The following SNTB2 variants were observed in gnomAD, a reference collection of about 807,000 sequenced individuals.
The protein encoded by SNTB2 is beta-2-syntrophin.
In SNTB2, 34 loss-of-function variants were observed where a neutral mutation model predicts 46.2. That is an observed-to-expected ratio of 0.74 (90% CI 0.56 to 0.98). The LOEUF is 0.98. Among genes scored for constraint, SNTB2 ranks in the 50% least tolerant of loss-of-function variants. The pLI is 0.00. For missense variants in SNTB2, 603 were observed against 731.4 expected (o/e 0.82, Z 2.02); for synonymous variants, 290 against 312.6 (o/e 0.93, Z 0.76).
At chr16:69,222,466 G>C (rs1261633974) in intron 1 of SNTB2, among the ~76,000 whole-genome samples, 1 of 151,876 alleles carries the variant, frequency 6.6e-6, no homozygotes, top group East Asian at 1.9e-4. Context: ...GGTGGTGTGT[G>C]CCTGTAATCC....
At position 69,245,586 on chromosome 16, in the gene SNTB2, A is replaced by AT. The variant is rs764065308; in HGVS notation, c.581-9dup. ...GCAAAATTACTAACCTTCTTCTTTG[A>AT]TTTTTTTGTTCATAGTCAAGTTCAT... On this transcript the variant is annotated splice_polypyrimidine_tract_variant and intron_variant, in intron 1 of 6. Coordinates refer to ENST00000336278, the MANE Select transcript of SNTB2 (RefSeq NM_006750.4). 61 of 1,611,892 alleles carry AT rather than the reference A, an allele frequency of 3.8e-5. No individual in the cohort carries two copies. Among genetic ancestry groups the AT allele is most frequent in the Non-Finnish European group, 4.9e-5 (58 of 1,178,366 alleles).
chr16:69,259,217 G>A (rs1245556131), intron 2 of SNTB2, among the ~76,000 whole-genome samples: 1 of 143,152 alleles, frequency 7.0e-6, no homozygotes, highest in African/African-American at 2.6e-5. Context: ...TCAGTAACTA[G>A]CCCAAGTTGG....
chr16:69,299,939 T>C (rs2143208964), intron 6 of SNTB2, among the ~76,000 whole-genome samples, 165 bp downstream of exon 6: 1 of 152,364 alleles, frequency 6.6e-6, no homozygotes, highest in African/African-American at 2.4e-5. Flanking sequence ...TCACCCAGGC[T>C]GGAGTGTAGT....
intron 4 of SNTB2, among the ~76,000 whole-genome samples, chr16:69,273,554 A>C (rs1164494435): frequency 6.6e-6 from 1 of 152,194 alleles, no homozygotes; most frequent in Non-Finnish European, 1.5e-5. Context: ...AAGGTAGATT[A>C]GTGGTTGCCG....
chr16:69,221,766 ACT>A (rs991104297), intron 1 of SNTB2, among the ~76,000 whole-genome samples: 61 of 152,046 alleles, frequency 4.0e-4, no homozygotes, highest in African/African-American at 1.4e-3. Context: ...ACAGAATAAG[ACT>A]CTCTCTCAAA....
chr16:69,284,459 T>TGAA (rs1567414678), intron 5 of SNTB2, among the ~76,000 whole-genome samples: 5 of 45,908 alleles, frequency 1.1e-4, no homozygotes, highest in African/African-American at 1.7e-4. Flanking sequence ...CCGTCTTTAC[T>TGAA]AAAAAAAAAA....
chr16:69,246,904 G>T (rs1964675209), intron 2 of SNTB2, among the ~76,000 whole-genome samples: 2 of 109,788 alleles, frequency 1.8e-5, no homozygotes, highest in Non-Finnish European at 3.6e-5. Flanking sequence ...GTGGTGGGGT[G>T]GGGGGAGGGG....
At chr16:69,242,922 A>G (rs1964632773) in intron 1 of SNTB2, among the ~76,000 whole-genome samples, 1 of 151,616 alleles carries the variant, frequency 6.6e-6, no homozygotes, top group South Asian at 2.1e-4. Context: ...TGGGGAGGCT[A>G]AGGCAGGAGA....
intron 1 of SNTB2, among the ~76,000 whole-genome samples, chr16:69,223,151 C>T (rs930196266): frequency 5.3e-5 from 8 of 151,592 alleles, no homozygotes; most frequent in Admixed American, 2.0e-4. Context: ...CCAGTTTCCC[C>T]GAATGTTAAC....
intron 1 of SNTB2, among the ~76,000 whole-genome samples, chr16:69,207,508 T>A (rs1403877201): frequency 6.6e-6 from 1 of 152,242 alleles, no homozygotes; most frequent in Non-Finnish European, 1.5e-5. Context: ...ACATTTTATG[T>A]TGACCAATTA....
At chr16:69,200,757 C>G (rs1278163016) in intron 1 of SNTB2, among the ~76,000 whole-genome samples, 1 of 152,168 alleles carries the variant, frequency 6.6e-6, no homozygotes, top group Non-Finnish European at 1.5e-5. Flanking sequence ...TCAAGTCATC[C>G]TCCAGCCTTG....
At chr16:69,226,992 A>G (rs1047115221) in intron 1 of SNTB2, among the ~76,000 whole-genome samples, 2 of 152,224 alleles carry the variant, frequency 1.3e-5, no homozygotes, top group African/African-American at 4.8e-5. Context: ...GATTATACAT[A>G]TAGAGTCTAT....
chr16:69,192,114 G>GAAGCACTGGATGCAGTGC (rs1487038876), intron 1 of SNTB2, among the ~76,000 whole-genome samples: 1 of 152,240 alleles, frequency 6.6e-6, no homozygotes, highest in East Asian at 1.9e-4. Context: ...GGCAGCAGTG[G>GAAGCACTGGATGCAGTGC]AAGCACTGGA....
intron 1 of SNTB2, among the ~76,000 whole-genome samples, chr16:69,211,577 G>T (rs912702468): frequency 1.3e-5 from 2 of 151,812 alleles, no homozygotes; most frequent in Non-Finnish European, 2.9e-5. Context: ...AAAACAGGCG[G>T]AAGTGAAAAA....
chr16:69,260,624 T>C (rs1964825850), intron 3 of SNTB2, among the ~76,000 whole-genome samples: 3 of 152,230 alleles, frequency 2.0e-5, no homozygotes, highest in African/African-American at 4.8e-5. Flanking sequence ...GACTCTTCTG[T>C]TGTAGCAAGA....
chr16:69,270,411 C>A, intron 4 of SNTB2, 126 bp downstream of exon 4: 1 of 1,179,546 alleles, frequency 8.5e-7, no homozygotes, highest in Non-Finnish European at 1.2e-6. Context: ...ATAGTTGATG[C>A]AGACAAAAAT....
At chr16:69,237,105 T>C (rs987960050) in intron 1 of SNTB2, among the ~76,000 whole-genome samples, 1 of 152,170 alleles carries the variant, frequency 6.6e-6, no homozygotes, top group African/African-American at 2.4e-5. Context: ...GGTGGTGGGA[T>C]TGGGGCCAAC....
At chr16:69,281,334 C>T (rs1029473527) in intron 4 of SNTB2, among the ~76,000 whole-genome samples, 2 of 151,696 alleles carry the variant, frequency 1.3e-5, no homozygotes, top group African/African-American at 4.8e-5. Flanking sequence ...CAGGTTCAAG[C>T]GATTCTCCTG....
intron 1 of SNTB2, among the ~76,000 whole-genome samples, chr16:69,220,819 A>G (rs1486916151): frequency 6.6e-6 from 1 of 152,114 alleles, no homozygotes; most frequent in Non-Finnish European, 1.5e-5. Context: ...GGAATAAACC[A>G]CTGTGCCTGG....
Sources: allele counts gnomAD v4.1 joint callset (sites outside exome capture counted in the v4.1 genomes callset), GRCh38; gene constraint gnomAD v4.1.1; transcripts MANE v1.5; gene names NCBI Gene and HGNC (gene_info 2026-07-23, HGNC 2026-07-21).